Variants in CNIH3 observed in about 807,000 individuals in gnomAD.
CNIH3 encodes the protein protein cornichon homolog 3.
A neutral mutation model predicts 24.1 loss-of-function variants in CNIH3; 14 were observed. That is an observed-to-expected ratio of 0.58 (90% CI 0.38 to 0.91). The LOEUF is 0.91. CNIH3 is among the 40% of genes least tolerant of loss of function. The pLI is 0.00. For synonymous variants in CNIH3, 68 were observed against 73.8 expected (o/e 0.92, Z 0.40); for missense variants, 178 against 196.8 (o/e 0.90, Z 0.57).
At chr1:224,646,787 A>G (rs1307057339) in intron 1 of CNIH3, among the ~76,000 whole-genome samples, 3 of 152,180 alleles carry the variant, frequency 2.0e-5, no homozygotes, top group Non-Finnish European at 2.9e-5. Flanking sequence ...TCACCGGTTG[A>G]CAGAAATAAT....
Position 224,548,604 on chromosome 1 carries a change from T to C in CNIH3, n.450+1665T>C, listed in dbSNP as rs537932155. Among the ~76,000 whole-genome samples the C allele has an allele frequency of 2.0e-5, 3 of 152,080 alleles. No homozygotes were observed. In the South Asian group the frequency reaches 6.2e-4, roughly 31 times the overall value. The stretch of plus-strand genomic sequence containing the variant: ...TAAAAAGATGTTGTTCCTAATATCA[T>C]AGTGGGAGTACACTCTGTGTGTACA... On this transcript the variant is annotated intron_variant and non_coding_transcript_variant, in intron 3 of 5. Transcript: ENST00000471578.
At chr1:224,588,968 G>GTTTTTGTTTT (rs1681631090), downstream of CNIH3, among the ~76,000 whole-genome samples, 1 of 112,346 alleles carries the variant, frequency 8.9e-6, no homozygotes, top group African/African-American at 3.8e-5. Context: ...CTGACCCCCT[G>GTTTTTGTTTT]TTTTTTTTTT....
intron 3 of CNIH3, among the ~76,000 whole-genome samples, chr1:224,549,068 C>T (rs1256892851): frequency 1.3e-5 from 2 of 152,022 alleles, no homozygotes; most frequent in Non-Finnish European, 2.9e-5. Context: ...GTGGTGTACA[C>T]TTTGTGTACA....
In CNIH3 at chr1:224,739,913, G is replaced by A. The variant is rs1276078304; in HGVS notation, c.*557G>A. ...AGGGGCTGGAGGGTGTGTGGGATTTGTCTTCAGCTGCAACCAGCCTTGAGC... is the reference window on the plus strand; with the variant it reads ...AGGGGCTGGAGGGTGTGTGGGATTTATCTTCAGCTGCAACCAGCCTTGAGC... On this transcript the variant is annotated 3_prime_UTR_variant, in exon 6 of 6. Coordinates refer to ENST00000272133, the MANE Select transcript of CNIH3 (RefSeq NM_152495.2). 1 of 152,534 alleles carries A rather than the reference G, an allele frequency of 6.6e-6. No homozygotes were observed. The highest frequency in any genetic ancestry group is 2.4e-5 in the African/African-American group (1 of 41,448). The allele number at this position is 152,534 out of a possible 1,614,324, so 9.4% of individuals were successfully genotyped here.
At chr1:224,730,343 G>C in intron 3 of CNIH3, 119 bp from the exon 4 acceptor site, 1 of 650,592 alleles carries the variant, frequency 1.5e-6, no homozygotes, top group Non-Finnish European at 2.8e-6. Flanking sequence ...TTGCTGCAGG[G>C]AGGGCCTTTG....
At chr1:224,660,380 A>G (rs769159061) in intron 1 of CNIH3, among the ~76,000 whole-genome samples, 1 of 152,194 alleles carries the variant, frequency 6.6e-6, no homozygotes, top group Non-Finnish European at 1.5e-5. Context: ...ACACATGGGA[A>G]TTATTGGAGC....
intron 1 of CNIH3, among the ~76,000 whole-genome samples, chr1:224,646,051 C>T (rs1449113697): frequency 6.6e-6 from 1 of 152,182 alleles, no homozygotes; most frequent in East Asian, 1.9e-4. Context: ...TCAGTCACAG[C>T]AAGCACATAA....
At chr1:224,601,198 G>C (rs1682193457) in intron 3 of CNIH3, among the ~76,000 whole-genome samples, 1 of 152,180 alleles carries the variant, frequency 6.6e-6, no homozygotes, top group African/African-American at 2.4e-5. Context: ...CATGCTTCTG[G>C]GGGGTTGCAT....
intron 1 of CNIH3, among the ~76,000 whole-genome samples, chr1:224,465,920 C>T (rs1202012074): frequency 2.0e-5 from 3 of 151,962 alleles, no homozygotes; most frequent in African/African-American, 7.3e-5. Flanking sequence ...CTCAGCTACT[C>T]GGGAGGCTGA....
chr1:224,667,422 G>C (rs1178562741), intron 1 of CNIH3, among the ~76,000 whole-genome samples: 1 of 152,118 alleles, frequency 6.6e-6, no homozygotes, highest in African/African-American at 2.4e-5. Flanking sequence ...ATTGAAAGGG[G>C]ATTCACATCT....
At chr1:224,498,350 G>A (rs1220261628) in intron 1 of CNIH3, among the ~76,000 whole-genome samples, 1 of 152,134 alleles carries the variant, frequency 6.6e-6, no homozygotes, top group African/African-American at 2.4e-5. Context: ...TGCTGGGCCC[G>A]GTTCTCTTCT....
In CNIH3 at chr1:224,702,151, T is replaced by TC. The variant is rs527565617; in HGVS notation, c.198+17312dup. Among the ~76,000 whole-genome samples, 1,102 of 152,310 alleles carry TC rather than the reference T, an allele frequency of 7.2e-3. 8 individuals carry two copies. Among genetic ancestry groups the TC allele is most frequent in the Non-Finnish European group, 0.012 (803 of 68,024 alleles). On this transcript the variant is annotated intron_variant, in intron 3 of 5. Coordinates refer to ENST00000272133, the MANE Select transcript of CNIH3 (RefSeq NM_152495.2). The stretch of plus-strand genomic sequence containing the variant: ...AGTTGTTTTCCTATAACTAGTTTTT[T>TC]CCCCACATACCATTACATCACCGAT...
intron 4 of CNIH3, among the ~76,000 whole-genome samples, chr1:224,577,501 A>G (rs1282245908): frequency 6.6e-6 from 1 of 152,192 alleles, no homozygotes; most frequent in Non-Finnish European, 1.5e-5. Context: ...CAAAATCACA[A>G]TGTGACACCA....
At chr1:224,643,529 G>T (rs966631695) in intron 1 of CNIH3, among the ~76,000 whole-genome samples, 2 of 152,200 alleles carry the variant, frequency 1.3e-5, no homozygotes, top group African/African-American at 4.8e-5. Flanking sequence ...TGGTGGGTCT[G>T]GTGTGTGAGG....
intron 1 of CNIH3, among the ~76,000 whole-genome samples, chr1:224,677,655 C>T (rs1347704275): frequency 6.6e-6 from 1 of 152,240 alleles, no homozygotes; most frequent in Middle Eastern, 3.2e-3. Context: ...TGGCTCTCAG[C>T]CTGGCTGAAC....
At position 224,663,851 on chromosome 1, in the gene CNIH3, AAG is replaced by A. The variant is rs1266696897; in HGVS notation, c.82-17104_82-17103del. Among the ~76,000 whole-genome samples, 3 of 152,370 alleles carry A rather than the reference AAG, an allele frequency of 2.0e-5. No homozygotes were observed. In the East Asian group the frequency reaches 5.8e-4, roughly 29 times the overall value. Reference sequence around the variant, plus strand: ...GACCGAAATTTACCTTCAGCCAAAAAAGAGCCAGGCAGCTGCTTAGGAGGGCT... The same window carrying A: ...GACCGAAATTTACCTTCAGCCAAAAAAGCCAGGCAGCTGCTTAGGAGGGCT... On this transcript the variant is annotated intron_variant, in intron 1 of 5. Transcript: ENST00000272133.
intron 1 of CNIH3, among the ~76,000 whole-genome samples, chr1:224,470,998 A>G (rs1432936483): frequency 5.9e-5 from 9 of 152,122 alleles, no homozygotes; most frequent in Admixed American, 5.9e-4. Flanking sequence ...CAATTAAATT[A>G]TTTTTTACTA....
chr1:224,540,857 T>C (rs867036895), downstream of CNIH3, among the ~76,000 whole-genome samples: 21 of 152,338 alleles, frequency 1.4e-4, no homozygotes, highest in Admixed American at 7.2e-4. Flanking sequence ...AATTTTGCAT[T>C]TCTCATTAGA....
downstream of CNIH3, among the ~76,000 whole-genome samples, chr1:224,590,074 A>T (rs980645682): frequency 1.3e-5 from 2 of 151,960 alleles, no homozygotes; most frequent in Non-Finnish European, 2.9e-5. Context: ...ATGGGGTTTC[A>T]CTATGTTGGC....
Sources: allele counts gnomAD v4.1 joint callset (sites outside exome capture counted in the v4.1 genomes callset), GRCh38; gene constraint gnomAD v4.1.1; transcripts MANE v1.5; gene names NCBI Gene and HGNC (gene_info 2026-07-23, HGNC 2026-07-21).